SBF2: variants seen among roughly 807,000 people sequenced by gnomAD.
The protein encoded by SBF2 is myotubularin-related protein 13.
Under a neutral mutation model 225.2 loss-of-function variants are expected in SBF2, and 112 were observed. That is an observed-to-expected ratio of 0.50 (90% confidence interval 0.43 to 0.58). SBF2 has a LOEUF of 0.58. Among genes scored for constraint, SBF2 ranks in the 20% least tolerant of loss-of-function variants. SBF2 has a pLI of 0.00. For synonymous variants in SBF2, 763 were observed against 773.3 expected (o/e 0.99, Z 0.22); for missense variants, 1,996 against 2,206.2 (o/e 0.90, Z 1.91).
chr11:10,076,993 A>G (rs1317983612), intron 2 of SBF2, among the ~76,000 whole-genome samples: 1 of 151,996 alleles, frequency 6.6e-6, no homozygotes, highest in Admixed American at 6.6e-5. Flanking sequence ...AAGACATCAG[A>G]GTACCTCTGG....
At chr11:10,202,482 T>C (rs1957598847) in intron 1 of SBF2, among the ~76,000 whole-genome samples, 1 of 152,158 alleles carries the variant, frequency 6.6e-6, no homozygotes, top group Admixed American at 6.5e-5. Context: ...CCACTAGCTA[T>C]ATAATAAAAT....
chr11:9,851,694 C>T (rs1228077350), intron 21 of SBF2, among the ~76,000 whole-genome samples: 1 of 152,176 alleles, frequency 6.6e-6, no homozygotes, highest in Non-Finnish European at 1.5e-5. Context: ...ATCGCTGTGT[C>T]TCAGGTTTCT....
chr11:9,893,302 C>T lies in SBF2; in HGVS notation c.1929+2641G>A, dbSNP rs1318584952. Reference sequence around the variant, plus strand: ...AAAGGGTAAAGATTTAGAAAATATCCGAGAATCCGTGTGATCTACCTTACC... The same window carrying T: ...AAAGGGTAAAGATTTAGAAAATATCTGAGAATCCGTGTGATCTACCTTACC... On this transcript the variant is annotated intron_variant, in intron 17 of 39. Transcript: ENST00000256190. Among the ~76,000 whole-genome samples the T allele has an allele frequency of 5.9e-5, 9 of 152,208 alleles. No homozygotes were observed. In the South Asian group the frequency reaches 1.2e-3, roughly 21 times the overall value.
chr11:9,849,889 A>G (rs751746495), intron 22 of SBF2, 134 bp downstream of exon 22: 99 of 838,508 alleles, frequency 1.2e-4, no homozygotes, highest in Non-Finnish European at 1.9e-4. Flanking sequence ...AGACTAAAGT[A>G]TTTCACCAAA....
At chr11:10,290,543 G>C (rs1964097914) in intron 1 of SBF2, among the ~76,000 whole-genome samples, 1 of 152,126 alleles carries the variant, frequency 6.6e-6, no homozygotes, top group Non-Finnish European at 1.5e-5. Context: ...CTGGGGTAGG[G>C]GGATGGAGGA....
At chr11:10,278,853 C>G (rs1426330709) in intron 1 of SBF2, among the ~76,000 whole-genome samples, 2 of 151,054 alleles carry the variant, frequency 1.3e-5, no homozygotes, top group Non-Finnish European at 2.9e-5. Flanking sequence ...CTTCACTTTC[C>G]TAACAGTTTT....
chr11:10,188,506 G>A (rs921271486), intron 2 of SBF2, among the ~76,000 whole-genome samples: 5 of 152,190 alleles, frequency 3.3e-5, no homozygotes, highest in African/African-American at 1.2e-4. Flanking sequence ...AAGTGGTTCT[G>A]AGAGCAGAAG....
intron 2 of SBF2, among the ~76,000 whole-genome samples, chr11:10,186,672 C>G (rs1956944226): frequency 6.6e-6 from 1 of 152,182 alleles, no homozygotes; most frequent in Non-Finnish European, 1.5e-5. Context: ...AACTCAATCT[C>G]CAGCCCTTCT....
intron 32 of SBF2, among the ~76,000 whole-genome samples, chr11:9,798,011 T>G (rs1276718737): frequency 4.0e-5 from 6 of 151,078 alleles, no homozygotes; most frequent in Admixed American, 6.6e-5. Flanking sequence ...TGATAAAGGC[T>G]CAACTTGAGG....
intron 32 of SBF2, among the ~76,000 whole-genome samples, chr11:9,801,711 A>C (rs1004477215): frequency 6.6e-6 from 1 of 152,268 alleles, no homozygotes; most frequent in Non-Finnish European, 1.5e-5. Flanking sequence ...TTGCCTTGTT[A>C]TAAAACAGAT....
At chr11:10,066,820 A>G (rs1257940578) in intron 2 of SBF2, among the ~76,000 whole-genome samples, 1 of 152,242 alleles carries the variant, frequency 6.6e-6, no homozygotes, top group African/African-American at 2.4e-5. Context: ...AAATCTACAG[A>G]GAAAAATCTA....
intron 2 of SBF2, among the ~76,000 whole-genome samples, chr11:10,142,788 G>A (rs17358721): frequency 0.11 from 16,260 of 152,142 alleles, 1,034 homozygotes; most frequent in Non-Finnish European, 0.12. Context: ...ACATAAACTC[G>A]TAGACTGATT....
intron 1 of SBF2, among the ~76,000 whole-genome samples, chr11:10,263,043 T>C (rs1478595896): frequency 6.6e-6 from 1 of 152,034 alleles, no homozygotes; most frequent in Non-Finnish European, 1.5e-5. Flanking sequence ...CCTAAAGAAA[T>C]TGTACTACTT....
intron 2 of SBF2, among the ~76,000 whole-genome samples, chr11:10,138,228 A>C (rs1954475290): frequency 6.6e-6 from 1 of 152,132 alleles, no homozygotes. Flanking sequence ...GTGCTTTTCA[A>C]GTCATTTGTC....
chr11:10,112,731 G>C (rs935312641), intron 2 of SBF2, among the ~76,000 whole-genome samples: 1 of 152,162 alleles, frequency 6.6e-6, no homozygotes, highest in African/African-American at 2.4e-5. Context: ...GCAAAATCAT[G>C]TAAATCTGAC....
At chr11:9,889,418 T>C (rs2134113471) in intron 17 of SBF2, among the ~76,000 whole-genome samples, 1 of 152,308 alleles carries the variant, frequency 6.6e-6, no homozygotes, top group South Asian at 2.1e-4. Context: ...AACCTGTGGG[T>C]CTTTACGTAG....
At chr11:10,137,263 A>G (rs193269758) in intron 2 of SBF2, among the ~76,000 whole-genome samples, 2 of 152,358 alleles carry the variant, frequency 1.3e-5, no homozygotes, top group Admixed American at 1.3e-4. Context: ...GTGAATCTAT[A>G]TAACTCACTT....
At position 10,042,955 on chromosome 11, in the gene SBF2, C is replaced by A; in HGVS notation, c.168G>T (p.Leu56=). ...ACGTTGGCTGCTTCCTCTCTCTGGACAGCTGCCACCCGCCAGGCTGACAAA... is the reference window on the plus strand; with the variant it reads ...ACGTTGGCTGCTTCCTCTCTCTGGAAAGCTGCCACCCGCCAGGCTGACAAA... ...ELFCQPGGWQ[L]SRERKQPTFF... is the part of the protein sequence containing the mutation. Residue 56 remains leucine (L), a synonymous_variant, in exon 3 of 40, where the codon CTG becomes CTT. Coordinates refer to ENST00000256190, the MANE Select transcript of SBF2 (RefSeq NM_030962.4). 6.2e-7 allele frequency: 1 copy of A among 1,613,782 alleles called. No individual in the cohort carries two copies. The highest frequency in any genetic ancestry group is 8.5e-7 in the Non-Finnish European group (1 of 1,179,822).
intron 2 of SBF2, among the ~76,000 whole-genome samples, chr11:10,178,453 G>A (rs1956568825): frequency 6.9e-6 from 1 of 144,030 alleles, no homozygotes; most frequent in African/African-American, 2.6e-5. Flanking sequence ...ATCTGACAAA[G>A]GGCTAATATC....
Sources: allele counts gnomAD v4.1 joint callset (sites outside exome capture counted in the v4.1 genomes callset), GRCh38; gene constraint gnomAD v4.1.1; transcripts MANE v1.5; gene names NCBI Gene and HGNC (gene_info 2026-07-23, HGNC 2026-07-21).